Variants in PCDHGA7 observed in about 807,000 individuals in gnomAD.
PCDHGA7 encodes the protein protocadherin gamma subfamily A, 7.
Under a neutral mutation model 58.3 loss-of-function variants are expected in PCDHGA7, and 44 were observed. The ratio of observed to expected loss-of-function variants is 0.75; its 90% CI spans 0.59 to 0.97. The LOEUF is 0.97. Ranked by LOEUF, PCDHGA7 falls within the 50% of genes least tolerant of loss-of-function variation. The pLI, the probability that PCDHGA7 is intolerant of heterozygous loss-of-function variation, is 0.00. For missense variants in PCDHGA7, 1,266 were observed against 1,188.7 expected (o/e 1.06, Z -0.96); for synonymous variants, 516 against 504.2 (o/e 1.02, Z -0.31).
chr5:141,414,473 G>C lies in PCDHGA7; in HGVS notation c.2424+29150G>C, dbSNP rs371832510. 50 of 1,613,790 alleles carry C rather than the reference G, an allele frequency of 3.1e-5. No individual in the cohort carries two copies. The highest frequency in any genetic ancestry group is 4.1e-5 in the Non-Finnish European group (48 of 1,179,892). Reference sequence around the variant, plus strand: ...ACAGTGACAGCCACAGATGGGGGAAGTCCTCCTCTATCAACGGAAGCTCAC... The same window carrying C: ...ACAGTGACAGCCACAGATGGGGGAACTCCTCCTCTATCAACGGAAGCTCAC... On this transcript the variant is annotated intron_variant, in intron 1 of 3. Transcript: ENST00000518325.
At chr5:141,471,942 A>G (rs1163887457) in intron 1 of PCDHGA7, among the ~76,000 whole-genome samples, 1 of 152,192 alleles carries the variant, frequency 6.6e-6, no homozygotes, top group Non-Finnish European at 1.5e-5. Flanking sequence ...AGAGTTTTCT[A>G]AAACTGGATT....
chr5:141,507,849 C>CA (rs2099864208), intron 3 of PCDHGA7, among the ~76,000 whole-genome samples: 1 of 152,222 alleles, frequency 6.6e-6, no homozygotes, highest in African/African-American at 2.4e-5. Flanking sequence ...GCCCTGCTCT[C>CA]ACTTTCACAC....
intron 1 of PCDHGA7, chr5:141,440,034 A>T (rs995962283): frequency 6.5e-6 from 1 of 153,052 alleles, no homozygotes; most frequent in African/African-American, 2.4e-5. Context: ...AGTGTCGAGG[A>T]CATGCCCACT....
At chr5:141,389,408 G>A (rs2091745894) in intron 1 of PCDHGA7, 6 of 1,613,494 alleles carry the variant, frequency 3.7e-6, no homozygotes, top group Admixed American at 1.7e-5. Flanking sequence ...TAAGCGCGGA[G>A]AGCGGGGTGG....
intron 1 of PCDHGA7, chr5:141,409,727 G>A (rs1000014772): frequency 6.2e-7 from 1 of 1,613,158 alleles, no homozygotes; most frequent in South Asian, 1.1e-5. Context: ...GTCAGTGAGC[G>A]CGCAGAGCGG....
chr5:141,410,849 CTTT>C (rs759346998), intron 1 of PCDHGA7: 1,556 of 136,944 alleles, frequency 0.011, no homozygotes, highest in South Asian at 0.02. Flanking sequence ...TTGTCTTTGT[CTTT>C]TTTTTTTTTT....
chr5:141,404,879 G>A (rs770577946), intron 1 of PCDHGA7: 4 of 1,613,906 alleles, frequency 2.5e-6, no homozygotes, highest in Middle Eastern at 1.6e-4. Flanking sequence ...ACAGAGCCTT[G>A]TGGTGGCTGT....
chr5:141,385,483 A>T (rs981503954), intron 1 of PCDHGA7, 160 bp downstream of exon 1: 8 of 1,423,220 alleles, frequency 5.6e-6, no homozygotes, highest in Non-Finnish European at 7.3e-6. Context: ...TTAATATAGA[A>T]CACATAGGAT....
At position 141,383,174 on chromosome 5, in the gene PCDHGA7, G is replaced by C. The variant is rs771829169; in HGVS notation, c.275G>C (p.Arg92Pro). The C allele has an allele frequency of 1.1e-5, 18 of 1,613,966 alleles. No individual in the cohort carries two copies. Among genetic ancestry groups the C allele is most frequent in the Non-Finnish European group, 1.3e-5 (15 of 1,179,984 alleles). Residue 92 changes from arginine to proline, a missense_variant, in exon 1 of 4, where the codon CGG becomes CCG. Arg to Pro is a moderately radical substitution (Grantham distance 103). Coordinates refer to ENST00000518325, the MANE Select transcript of PCDHGA7 (RefSeq NM_018920.4). ...GSLVTAGRID[R>P]EEICAQSARC... ...TTGGTCACTGCGGGCAGGATAGACC[G>C]GGAAGAGATCTGCGCTCAGAGTGCG...
intron 3 of PCDHGA7, among the ~76,000 whole-genome samples, chr5:141,510,691 T>C (rs1013489554): frequency 4.6e-5 from 7 of 152,138 alleles, no homozygotes; most frequent in African/African-American, 1.7e-4. Flanking sequence ...GGAGGTTAGG[T>C]AGACTTGCCC....
intron 1 of PCDHGA7, chr5:141,413,769 G>T: frequency 6.2e-7 from 1 of 1,612,870 alleles, no homozygotes; most frequent in Non-Finnish European, 8.5e-7. Flanking sequence ...ACCCGGAGCT[G>T]GTACTGGAGC....
Position 141,393,949 on chromosome 5 carries a change from A to G in PCDHGA7, c.2424+8626A>G, listed in dbSNP as rs370166968. 2.5e-6 allele frequency: 4 copies of G among 1,613,874 alleles called. No individual in the cohort carries two copies. The highest frequency in any genetic ancestry group is 3.4e-6 in the Non-Finnish European group (4 of 1,179,890). Reference sequence around the variant, plus strand: ...GTGCATGACCAAGACTCTGGAAAGAATGGTCAAGTTGTCTGTTACACACGT... The same window carrying G: ...GTGCATGACCAAGACTCTGGAAAGAGTGGTCAAGTTGTCTGTTACACACGT... On this transcript the variant is annotated intron_variant, in intron 1 of 3. Coordinates refer to ENST00000518325, the MANE Select transcript of PCDHGA7 (RefSeq NM_018920.4).
chr5:141,500,467 C>T lies in PCDHGA7; in HGVS notation c.2484-4926C>T, dbSNP rs368360639. 6.6e-5 allele frequency among the ~76,000 whole-genome samples: 10 copies of T among 152,262 alleles called. No homozygotes were observed. In the South Asian group the frequency reaches 2.1e-3, roughly 32 times the overall value. ...CTCGTGATCCGCCCGCCTCGGCCTC[C>T]CAAAGTGCTGGGATTACAGGCGTGA... is the stretch of plus-strand genomic sequence containing the variant. On this transcript the variant is annotated intron_variant, in intron 2 of 3. Coordinates refer to ENST00000518325, the MANE Select transcript of PCDHGA7 (RefSeq NM_018920.4).
At chr5:141,415,809 CTA>C in intron 1 of PCDHGA7, 1 of 1,346,328 alleles carries the variant, frequency 7.4e-7, no homozygotes, top group Non-Finnish European at 9.5e-7. Flanking sequence ...CAATCAAGGC[CTA>C]TATATCATAA....
intron 1 of PCDHGA7, chr5:141,392,622 A>C: frequency 3.6e-6 from 2 of 558,650 alleles, no homozygotes; most frequent in Non-Finnish European, 6.1e-6. Flanking sequence ...AACCGAAAAC[A>C]CTCAGATCTC....
At chr5:141,388,209 G>A in intron 1 of PCDHGA7, 1 of 1,586,286 alleles carries the variant, frequency 6.3e-7, no homozygotes, top group Non-Finnish European at 8.6e-7. Context: ...ATTTGAGGCT[G>A]TTGCTGAAAA....
At position 141,393,679 on chromosome 5, in the gene PCDHGA7, C is replaced by T. The variant is rs1188443485; in HGVS notation, c.2424+8356C>T. 4.3e-6 allele frequency: 7 copies of T among 1,613,894 alleles called. No individual in the cohort carries two copies. Among genetic ancestry groups the T allele is most frequent in the Non-Finnish European group, 5.9e-6 (7 of 1,179,900 alleles). ...TTCCGGAAAATTAATGAAAAACAAA[C>T]TCCGTTATTCCAGCTTAATGAAAAT... On this transcript the variant is annotated intron_variant, in intron 1 of 3. Transcript: ENST00000518325.
intron 1 of PCDHGA7, chr5:141,408,120 C>T (rs1375123891): frequency 3.4e-6 from 5 of 1,475,704 alleles, no homozygotes. Flanking sequence ...TCCTCCTGTC[C>T]TGGGCCGAAT....
intron 1 of PCDHGA7, chr5:141,389,726 C>A: frequency 6.2e-7 from 1 of 1,612,720 alleles, no homozygotes; most frequent in South Asian, 1.1e-5. Flanking sequence ...AGCCCGGGCT[C>A]TTCAGCCTGG....
Sources: gnomAD v4.1 joint callset for allele counts (sites outside exome capture counted in the v4.1 genomes callset) on GRCh38, gnomAD v4.1.1 for gene constraint, MANE v1.5 for transcripts, NCBI Gene and HGNC (gene_info 2026-07-23, HGNC 2026-07-21) for gene names.